TNFSF15: variants seen among roughly 807,000 people sequenced by gnomAD.
TNFSF15 encodes TNF superfamily member 15.
In TNFSF15, 15 loss-of-function variants were observed where a neutral mutation model predicts 26.4. The ratio of observed to expected loss-of-function variants is 0.57; its 90% CI spans 0.38 to 0.87. TNFSF15 has a LOEUF of 0.87. Ranked by LOEUF, TNFSF15 falls within the 40% of genes least tolerant of loss-of-function variation. TNFSF15 has a pLI of 0.00. For missense variants in TNFSF15, 290 were observed against 306.1 expected, an observed-to-expected ratio of 0.95 and a Z score of 0.39; for synonymous variants, 116 against 115.0, an observed-to-expected ratio of 1.01 and a Z score of -0.06.
rs1364327626 is a variant in TNFSF15, at chr9:114,790,269, C to T, written c.*183G>A. 7.1e-6 allele frequency: 4 copies of T among 565,146 alleles called. No homozygotes were observed. The highest frequency in any genetic ancestry group is 1.2e-5 in the Non-Finnish European group (4 of 324,010). 35.0% of individuals were successfully genotyped at this position (565,146 alleles called of 1,614,324 possible). Reference sequence around the variant, plus strand: ...CTTCAGCCTTTTTCCAGTTAGTACTCTCATCAGTAAGGCACATGAAGTGTG... The same window carrying T: ...CTTCAGCCTTTTTCCAGTTAGTACTTTCATCAGTAAGGCACATGAAGTGTG... On this transcript the variant is annotated 3_prime_UTR_variant, in exon 4 of 4. Coordinates refer to ENST00000374045, the MANE Select transcript of TNFSF15 (RefSeq NM_005118.4).
intron 1 of TNFSF15, among the ~76,000 whole-genome samples, chr9:114,803,117 G>A (rs901426206): frequency 1.3e-5 from 2 of 152,034 alleles, no homozygotes; most frequent in African/African-American, 4.8e-5. Context: ...CCCTCCTCCA[G>A]AAAGCTTTTC....
intron 3 of TNFSF15, 33 bp from the exon 4 acceptor site, chr9:114,790,939 A>C: frequency 2.4e-4 from 381 of 1,600,898 alleles, no homozygotes; most frequent in Middle Eastern, 3.3e-4. Context: ...TAATTTTCTC[A>C]TTGGGAAACT....
intron 1 of TNFSF15, among the ~76,000 whole-genome samples, chr9:114,805,327 T>C (rs1829806014): frequency 6.6e-6 from 1 of 152,188 alleles, no homozygotes; most frequent in Admixed American, 6.5e-5. Context: ...AATAATCTCG[T>C]CTCATTAAAA....
chr9:114,795,965 A>G (rs1023951883), intron 1 of TNFSF15, among the ~76,000 whole-genome samples: 2 of 152,158 alleles, frequency 1.3e-5, no homozygotes, highest in African/African-American at 4.8e-5. Context: ...CATGCTACCT[A>G]ACCTCTACTA....
At chr9:114,798,281 G>C (rs1231359328) in intron 1 of TNFSF15, among the ~76,000 whole-genome samples, 1 of 152,006 alleles carries the variant, frequency 6.6e-6, no homozygotes, top group East Asian at 1.9e-4. Flanking sequence ...ACCAGCATAT[G>C]TTAGCCCTAG....
chr9:114,805,809 C>A lies in TNFSF15; in HGVS notation c.204G>T (p.Gln68His). Residue 68 changes from glutamine to histidine, a missense_variant, in exon 1 of 4, where the codon CAG (glutamine) becomes CAT (histidine). Around this residue, in one of 3 missense-constraint regions of TNFSF15, gnomAD observed 179 missense variants for 165.9 expected, o/e 1.08. Coordinates refer to ENST00000374045, the MANE Select transcript of TNFSF15 (RefSeq NM_005118.4). ...QLRAQGEACV[Q>H]FQALKGQEFA... is the part of the protein sequence containing the mutation. The stretch of plus-strand genomic sequence containing the variant: ...AGAGTGCCATGTGGCTTACCTGGAA[C>A]TGCACACAGGCCTCTCCCTGGGCCC... 6.2e-7 allele frequency: 1 copy of A among 1,613,024 alleles called. No homozygotes were observed. Among genetic ancestry groups the A allele is most frequent in the South Asian group, 1.1e-5 (1 of 91,020 alleles).
At chr9:114,790,966 AAG>A (rs2131302514) in intron 3 of TNFSF15, 60 bp from the exon 4 acceptor site, 1 of 1,556,844 alleles carries the variant, frequency 6.4e-7, no homozygotes, top group Non-Finnish European at 8.8e-7. Flanking sequence ...TTTGCTTAAA[AAG>A]TGTCTCATAT....
In TNFSF15 at chr9:114,788,360, C is replaced by A. The variant is rs1014073153; in HGVS notation, c.*2092G>T. ...GAGGTGACCACACTCCTCTGTGCTC[C>A]CACTGAGTCTGTGCTGACTGTTTTG... On this transcript the variant is annotated 3_prime_UTR_variant, in exon 4 of 4. Transcript: ENST00000374045. 1.3e-4 allele frequency: 20 copies of A among 153,798 alleles called. No homozygotes were observed. Among genetic ancestry groups the A allele is most frequent in the African/African-American group, 4.8e-4 (20 of 41,544 alleles). 9.5% of individuals were successfully genotyped at this position (153,798 alleles called of 1,614,324 possible).
Position 114,789,672 on chromosome 9 carries a change from T to A in TNFSF15, c.*780A>T, listed in dbSNP as rs1829561607. ...TGATGTTTGATCAGGAAGTATCTAG[T>A]GGTGTTCATATAAATTTTGAGTGGA... On this transcript the variant is annotated 3_prime_UTR_variant, in exon 4 of 4. Coordinates refer to ENST00000374045, the MANE Select transcript of TNFSF15 (RefSeq NM_005118.4). The A allele has an allele frequency of 6.6e-6, 1 of 152,240 alleles. No individual in the cohort carries two copies. Among genetic ancestry groups the A allele is most frequent in the Admixed American group, 6.5e-5 (1 of 15,284 alleles). 9.4% of individuals were successfully genotyped at this position (152,240 alleles called of 1,614,324 possible).
chr9:114,805,936 G>A lies in TNFSF15; in HGVS notation c.77C>T (p.Pro26Leu), dbSNP rs368232426. 1.2e-6 allele frequency: 2 copies of A among 1,613,946 alleles called. No homozygotes were observed. Among genetic ancestry groups the A allele is most frequent in the Non-Finnish European group, 1.7e-6 (2 of 1,180,044 alleles). ...EMLPEHGSCR[P>L]KARSSSARWA... ...GCGTGCGCTGCTGCTCCTGGCCTTG[G>A]GCCTGCAGCTGCCGTGCTCTGGCAG... is the stretch of plus-strand genomic sequence containing the variant. The change falls in exon 1 of 4, where the codon CCC becomes CTC. Residue 26 changes from proline (P) to leucine (L), a missense_variant. Physicochemically the swap from Pro to Leu is moderately conservative, Grantham distance 98. This residue lies in a region of TNFSF15 where 179 missense variants were observed against 165.9 expected (regional missense o/e 1.08). Coordinates refer to ENST00000374045, the MANE Select transcript of TNFSF15 (RefSeq NM_005118.4).
intron 1 of TNFSF15, among the ~76,000 whole-genome samples, chr9:114,799,379 A>G (rs999643852): frequency 6.6e-6 from 1 of 152,138 alleles, no homozygotes; most frequent in Non-Finnish European, 1.5e-5. Flanking sequence ...TGTAGGCTGT[A>G]TTGTTGGTTC....
chr9:114,790,316 A>G lies in TNFSF15; in HGVS notation c.*136T>C. 1 of 876,488 alleles carries G rather than the reference A, an allele frequency of 1.1e-6. No homozygotes were observed. The highest frequency in any genetic ancestry group is 1.7e-6 in the Non-Finnish European group (1 of 576,002). 54.3% of individuals were successfully genotyped at this position (876,488 alleles called of 1,614,324 possible). On this transcript the variant is annotated 3_prime_UTR_variant, in exon 4 of 4. Transcript: ENST00000374045. The stretch of plus-strand genomic sequence containing the variant: ...TGTGAAATTTTGGGCCCCAAATTTC[A>G]TAGCTAAACCGTTGTCCCTGTGGAA...
chr9:114,791,622 CAT>C (rs1002228349), intron 3 of TNFSF15: 24 of 167,948 alleles, frequency 1.4e-4, no homozygotes, highest in Non-Finnish European at 7.3e-5. Context: ...TGGGTTCTAA[CAT>C]ATCCTTCTGC....
rs911287813 is a variant in TNFSF15 at position 114,789,899 on chromosome 9, A to G, written c.*553T>C. ...TATGCTGTAGATGACATGAAAACCA[A>G]CTCCTTCTGTGTGAACATTCATGAG... On this transcript the variant is annotated 3_prime_UTR_variant, in exon 4 of 4. Coordinates refer to ENST00000374045, the MANE Select transcript of TNFSF15 (RefSeq NM_005118.4). 1 of 152,514 alleles carries G rather than the reference A, an allele frequency of 6.6e-6. No homozygotes were observed. The highest frequency in any genetic ancestry group is 2.4e-5 in the African/African-American group (1 of 41,360). The allele number at this position is 152,514 out of a possible 1,614,324, so 9.4% of individuals were successfully genotyped here. A position where few individuals can be genotyped will look rare whatever the true frequency, so the allele number is the denominator to read the frequency against.
chr9:114,802,473 G>A (rs1003666673), intron 1 of TNFSF15, among the ~76,000 whole-genome samples: 2 of 152,118 alleles, frequency 1.3e-5, no homozygotes, highest in South Asian at 2.1e-4. Context: ...GGGTGGTCTC[G>A]ATCTCCTGAC....
At chr9:114,801,288 A>G (rs1829743971) in intron 1 of TNFSF15, among the ~76,000 whole-genome samples, 1 of 152,162 alleles carries the variant, frequency 6.6e-6, no homozygotes, top group South Asian at 2.1e-4. Context: ...TGTGGACCCA[A>G]TCTGAGGGCA....
intron 1 of TNFSF15, among the ~76,000 whole-genome samples, chr9:114,802,174 T>G (rs1195908868): frequency 6.6e-6 from 1 of 152,256 alleles, no homozygotes; most frequent in Non-Finnish European, 1.5e-5. Flanking sequence ...TAATGCTTAT[T>G]CAACAATAAA....
chr9:114,796,168 C>T (rs1311719603), intron 1 of TNFSF15, among the ~76,000 whole-genome samples: 1 of 152,166 alleles, frequency 6.6e-6, no homozygotes, highest in African/African-American at 2.4e-5. Context: ...GCAATTTTCT[C>T]ATGGTGTTTC....
At chr9:114,795,299 T>G (rs1009011390) in intron 1 of TNFSF15, among the ~76,000 whole-genome samples, 1 of 152,236 alleles carries the variant, frequency 6.6e-6, no homozygotes, top group Admixed American at 6.5e-5. Flanking sequence ...TCTAATAGAG[T>G]GATCCTCTTA....
Sources: gnomAD v4.1 joint callset for allele counts (sites outside exome capture counted in the v4.1 genomes callset) on GRCh38, gnomAD v4.1.1 for gene constraint, gnomAD v4.1.1 regional missense constraint, MANE v1.5 for transcripts, NCBI Gene and HGNC (gene_info 2026-07-23, HGNC 2026-07-21) for gene names.